ABCC1: variants seen among roughly 807,000 people sequenced by gnomAD.
ABCC1 encodes the protein ATP binding cassette subfamily C member 1 (ABCC1 blood group), also known as multidrug resistance-associated protein 1.
ABCC1 carries 83 observed loss-of-function variants against 172.9 expected under a neutral mutation model. The ratio of observed to expected loss-of-function variants is 0.48; its 90% CI spans 0.40 to 0.58. ABCC1 has a LOEUF of 0.58. ABCC1 is among the 20% of genes least tolerant of loss of function. ABCC1 has a pLI of 0.00. For synonymous variants in ABCC1, 937 were observed against 825.2 expected (o/e 1.14, Z -2.32); for missense variants, 1,817 against 2,002.7 (o/e 0.91, Z 1.77).
rs45468194 is a variant in ABCC1, at chr16:16,016,090, C to A, written c.490-406C>A. On this transcript the variant is annotated intron_variant, in intron 4 of 30. Transcript: ENST00000399410. ...GGGGGAGCTGGGAGCCCCTGGGGAGCCTGCAGTGTCCCTGTGGCTGAGTGG... is the reference window on the plus strand; with the variant it reads ...GGGGGAGCTGGGAGCCCCTGGGGAGACTGCAGTGTCCCTGTGGCTGAGTGG... Among the ~76,000 whole-genome samples, 475 of 151,056 alleles carry A rather than the reference C, an allele frequency of 3.1e-3. 14 individuals carry two copies. Among genetic ancestry groups the A allele is most frequent in the Admixed American group, 0.029 (436 of 15,148 alleles).
At chr16:16,014,709 T>G in intron 4 of ABCC1, 81 bp downstream of exon 4, 1 of 1,529,852 alleles carries the variant, frequency 6.5e-7, no homozygotes, top group Non-Finnish European at 8.9e-7. Flanking sequence ...TGTGTAGAAG[T>G]CATGCGTTGC....
chr16:16,089,769 C>A (rs796972200), intron 18 of ABCC1, among the ~76,000 whole-genome samples: 2 of 144,630 alleles, frequency 1.4e-5, no homozygotes, highest in African/African-American at 5.0e-5. Context: ...CCCAGCTACG[C>A]GGGAGGGAGG....
At chr16:16,071,616 C>G (rs748234771) in intron 13 of ABCC1, 26 bp from the exon 14 acceptor site, 1 of 1,604,886 alleles carries the variant, frequency 6.2e-7, no homozygotes, top group South Asian at 1.1e-5. Flanking sequence ...AAAAATAACT[C>G]TCCCCTGCCA....
intron 12 of ABCC1, among the ~76,000 whole-genome samples, chr16:16,067,243 C>T (rs966114561): frequency 1.1e-4 from 16 of 152,250 alleles, no homozygotes; most frequent in Admixed American, 7.2e-4. Context: ...CCTGTCGTTT[C>T]GAGCACCTTG....
At chr16:16,069,640 C>CA (rs1037156987) in intron 13 of ABCC1, among the ~76,000 whole-genome samples, 1 of 150,010 alleles carries the variant, frequency 6.7e-6, no homozygotes, top group Non-Finnish European at 1.5e-5. Flanking sequence ...TTGTCAAAAA[C>CA]AAAAAAATCC....
intron 14 of ABCC1, among the ~76,000 whole-genome samples, chr16:16,072,965 C>G (rs1398097894): frequency 6.6e-6 from 1 of 151,352 alleles, no homozygotes; most frequent in East Asian, 1.9e-4. Context: ...TCACTTGAAC[C>G]CAGGAGGCGG....
intron 24 of ABCC1, among the ~76,000 whole-genome samples, 169 bp from the exon 25 acceptor site, chr16:16,124,620 C>T (rs757479391): frequency 6.6e-6 from 1 of 152,146 alleles, no homozygotes; most frequent in Non-Finnish European, 1.5e-5. Context: ...CCCTACCCTG[C>T]GCCCATTGTG....
intron 12 of ABCC1, among the ~76,000 whole-genome samples, chr16:16,065,457 G>T (rs1317476144): frequency 6.6e-6 from 1 of 151,988 alleles, no homozygotes; most frequent in Non-Finnish European, 1.5e-5. Flanking sequence ...TTTTGAGACG[G>T]AGTCTTGCTC....
chr16:16,083,338 C>A (rs577163804), intron 16 of ABCC1, 28 bp from the exon 17 acceptor site: 2 of 1,608,374 alleles, frequency 1.2e-6, no homozygotes, highest in Admixed American at 3.3e-5. Context: ...GTGTGTCTGT[C>A]TCACCTCGTT....
chr16:16,016,518 G>C lies in ABCC1; in HGVS notation c.512G>C (p.Arg171Pro). Reference protein sequence around the residue: ...LKEDAQVDLFRDITFYVYFSL... With the variant: ...LKEDAQVDLFPDITFYVYFSL... Reference sequence around the variant, plus strand: ...TAGGATGCCCAGGTGGACCTGTTTCGTGACATCACTTTCTACGTCTACTTT... The same window carrying C: ...TAGGATGCCCAGGTGGACCTGTTTCCTGACATCACTTTCTACGTCTACTTT... The change falls in exon 5 of 31, where the codon CGT becomes CCT. Residue 171 changes from arginine (R) to proline (P), a missense_variant. This residue lies in a region of ABCC1 where 398 missense variants were observed against 384.2 expected (regional missense o/e 1.04). Coordinates refer to ENST00000399410, the MANE Select transcript of ABCC1 (RefSeq NM_004996.4). 1.2e-6 allele frequency: 2 copies of C among 1,614,036 alleles called. No homozygotes were observed. Among genetic ancestry groups the C allele is most frequent in the East Asian group, 2.2e-5 (1 of 44,862 alleles).
Position 15,989,664 on chromosome 16 carries a change from G to C in ABCC1, c.49-18152G>C, listed in dbSNP as rs568195217. Among the ~76,000 whole-genome samples the C allele has an allele frequency of 8.0e-4, 121 of 152,190 alleles. 2 individuals are homozygous for C. The South Asian group carries it at 0.024, about 31-fold the overall frequency. ...CTGTTCCTTGGTTGGTTGTGCAGAA[G>C]AGTTGCTAGGGTTTGAATCCAGGAC... On this transcript the variant is annotated intron_variant, in intron 1 of 30. Transcript: ENST00000399410.
At chr16:16,069,008 G>GA (rs2050220214) in intron 13 of ABCC1, among the ~76,000 whole-genome samples, 2 of 142,336 alleles carry the variant, frequency 1.4e-5, no homozygotes, top group Non-Finnish European at 1.6e-5. Context: ...AAAAAAAAAA[G>GA]AAAAACCCCA....
At chr16:16,070,440 G>C (rs1025161597) in intron 13 of ABCC1, among the ~76,000 whole-genome samples, 2 of 152,066 alleles carry the variant, frequency 1.3e-5, no homozygotes, top group African/African-American at 4.8e-5. Context: ...CGAGGTGGGC[G>C]GATCATGAGG....
chr16:16,134,661 G>A (rs946242514), intron 28 of ABCC1, among the ~76,000 whole-genome samples, 153 bp downstream of exon 28: 7 of 130,032 alleles, frequency 5.4e-5, no homozygotes, highest in Non-Finnish European at 9.4e-5. Context: ...TCCTGAAACA[G>A]GGTCTCGCTC....
chr16:15,954,951 A>G (rs565542448), intron 1 of ABCC1, among the ~76,000 whole-genome samples: 8 of 151,986 alleles, frequency 5.3e-5, no homozygotes, highest in Non-Finnish European at 7.4e-5. Context: ...TCCCATTCCT[A>G]TCACATCTGT....
intron 5 of ABCC1, among the ~76,000 whole-genome samples, chr16:16,018,809 G>GTA (rs1316651462): frequency 7.4e-6 from 1 of 135,300 alleles, no homozygotes; most frequent in African/African-American, 2.7e-5. Flanking sequence ...GTGTTTGTGT[G>GTA]TGTGTGTGTC....
At chr16:16,046,740 T>C (rs140265381) in intron 9 of ABCC1, among the ~76,000 whole-genome samples, 183 of 151,510 alleles carry the variant, frequency 1.2e-3, no homozygotes, top group African/African-American at 4.3e-3. Context: ...TCAAAGGACC[T>C]AAATTACCTT....
At chr16:16,140,118 A>G (rs1742527852) in intron 30 of ABCC1, among the ~76,000 whole-genome samples, 1 of 152,234 alleles carries the variant, frequency 6.6e-6, no homozygotes, top group African/African-American at 2.4e-5. Flanking sequence ...GGCAGCCGGT[A>G]CAGCCGAATG....
Position 16,008,029 on chromosome 16 carries a change from A to T in ABCC1, c.225+37A>T, listed in dbSNP as rs766502821. On this transcript the variant is annotated intron_variant, in intron 2 of 30. Coordinates refer to ENST00000399410, the MANE Select transcript of ABCC1 (RefSeq NM_004996.4). ...GGGGGTTTCGTTGTGGGGGGTGGGA[A>T]GGTGCACCTGGACGGGGAGTGGTGG... is the stretch of plus-strand genomic sequence containing the variant. 2.9e-6 allele frequency: 4 copies of T among 1,387,172 alleles called. No individual in the cohort carries two copies. In the East Asian group the frequency reaches 1.1e-4, roughly 37 times the overall value. 85.9% of individuals were successfully genotyped at this position (1,387,172 alleles called of 1,614,324 possible).
Sources: gnomAD v4.1 joint callset for allele counts (sites outside exome capture counted in the v4.1 genomes callset) on GRCh38, gnomAD v4.1.1 for gene constraint, gnomAD v4.1.1 regional missense constraint, MANE v1.5 for transcripts, NCBI Gene and HGNC (gene_info 2026-07-23, HGNC 2026-07-21) for gene names.